SERTM1: variants seen among roughly 807,000 people sequenced by gnomAD.
SERTM1 encodes serine rich and transmembrane domain containing 1.
SERTM1 carries 1 observed loss-of-function variant against 5.5 expected under a neutral mutation model. That is an observed-to-expected ratio of 0.18 (90% confidence interval 0.06 to 0.86). SERTM1 has a LOEUF of 0.86. Among genes scored for constraint, SERTM1 ranks in the 40% least tolerant of loss-of-function variants. The pLI is 0.69. For synonymous variants in SERTM1, 52 were observed against 55.1 expected, an observed-to-expected ratio of 0.94 and a Z score of 0.25; for missense variants, 91 against 122.4, an observed-to-expected ratio of 0.74 and a Z score of 1.21.
intron 1 of SERTM1, among the ~76,000 whole-genome samples, chr13:36,684,050 C>G (rs1245336531): frequency 1.3e-5 from 2 of 152,180 alleles, no homozygotes; most frequent in Non-Finnish European, 2.9e-5. Flanking sequence ...GTAATCCCAG[C>G]ACTTTGGGAG....
intron 1 of SERTM1, 129 bp from the exon 2 acceptor site, chr13:36,694,777 T>C (rs1197738518): frequency 2.6e-6 from 1 of 380,306 alleles, no homozygotes; most frequent in East Asian, 4.7e-5. Flanking sequence ...GACTGATTCC[T>C]AGGGGAGTTA....
chr13:36,688,857 C>T (rs1389425654), intron 1 of SERTM1, among the ~76,000 whole-genome samples: 1 of 152,170 alleles, frequency 6.6e-6, no homozygotes, highest in Non-Finnish European at 1.5e-5. Context: ...TTCTCCTGCT[C>T]TCTAAAAGTG....
Position 36,696,725 on chromosome 13 carries a change from G to C in SERTM1, c.*1323G>C, listed in dbSNP as rs1397478223. 6.0e-6 allele frequency: 1 copy of C among 166,994 alleles called. No homozygotes were observed. The highest frequency in any genetic ancestry group is 2.4e-5 in the African/African-American group (1 of 41,444). 10.3% of individuals were successfully genotyped at this position (166,994 alleles called of 1,614,324 possible). ...ACAATCAAACTGCAGCTCCTTAAGA[G>C]TAAGAATTTTAATTTAATTTTGAAA... On this transcript the variant is annotated 3_prime_UTR_variant, in exon 2 of 2. Transcript: ENST00000315190.
rs2056811373 is a variant in SERTM1 at position 36,696,032 on chromosome 13, C to A, written c.*630C>A. 1 of 167,068 alleles carries A rather than the reference C, an allele frequency of 6.0e-6. No individual in the cohort carries two copies. The highest frequency in any genetic ancestry group is 2.1e-4 in the South Asian group (1 of 4,828). 10.3% of individuals were successfully genotyped at this position (167,068 alleles called of 1,614,324 possible). ...AAGAGTTTACATTTTAATAGCAAGA[C>A]AAACATGTATTATGATGGAGCTTGT... On this transcript the variant is annotated 3_prime_UTR_variant, in exon 2 of 2. Transcript: ENST00000315190.
rs58941896 is a variant in SERTM1 at position 36,697,291 on chromosome 13, GCACA to G, written c.*1904_*1907del. On this transcript the variant is annotated 3_prime_UTR_variant, in exon 2 of 2. Coordinates refer to ENST00000315190, the MANE Select transcript of SERTM1 (RefSeq NM_203451.3). The stretch of plus-strand genomic sequence containing the variant: ...TATATGTATATATACATATATATAC[GCACA>G]CACACACACACACATAAATATATAT... The G allele has an allele frequency of 0.011, 1,662 of 155,122 alleles. 39 individuals are homozygous for G. The highest frequency in any genetic ancestry group is 0.04 in the African/African-American group (1,529 of 38,054). 9.6% of individuals were successfully genotyped at this position (155,122 alleles called of 1,614,324 possible).
chr13:36,691,129 C>T (rs1349924086), intron 1 of SERTM1, among the ~76,000 whole-genome samples: 1 of 152,296 alleles, frequency 6.6e-6, no homozygotes, highest in Non-Finnish European at 1.5e-5. Flanking sequence ...AAGGATGTGG[C>T]GCAGGCTGGG....
intron 1 of SERTM1, among the ~76,000 whole-genome samples, chr13:36,687,011 C>T (rs1239174420): frequency 6.6e-6 from 1 of 152,156 alleles, no homozygotes; most frequent in Non-Finnish European, 1.5e-5. Flanking sequence ...CATTATCATA[C>T]TTTGACTGTC....
chr13:36,695,272 G>T lies in SERTM1; in HGVS notation c.194G>T (p.Arg65Met). ...LLLLLIIALQ[R>M]LKNIISSSSS... Reference sequence around the variant, plus strand: ...CTGCTTTTAATCATTGCCCTCCAGAGGCTCAAAAATATCATCTCCTCCAGT... The same window carrying T: ...CTGCTTTTAATCATTGCCCTCCAGATGCTCAAAAATATCATCTCCTCCAGT... Residue 65 changes from arginine to methionine, a missense_variant, in exon 2 of 2, where the codon AGG becomes ATG. Arg to Met is a moderately conservative substitution (Grantham distance 91). Transcript: ENST00000315190. 1 of 1,614,096 alleles carries T rather than the reference G, an allele frequency of 6.2e-7. No homozygotes were observed. The highest frequency in any genetic ancestry group is 8.5e-7 in the Non-Finnish European group (1 of 1,180,024).
intron 1 of SERTM1, among the ~76,000 whole-genome samples, chr13:36,692,563 A>G (rs1020829714): frequency 1.3e-5 from 2 of 152,240 alleles, no homozygotes; most frequent in Non-Finnish European, 2.9e-5. Flanking sequence ...TAGACTTTCT[A>G]GAAGGAACTT....
chr13:36,682,877 T>C (rs1031728114), intron 1 of SERTM1, among the ~76,000 whole-genome samples: 3 of 152,062 alleles, frequency 2.0e-5, no homozygotes, highest in Non-Finnish European at 2.9e-5. Flanking sequence ...AATACTATAG[T>C]TTTTCTTTTT....
intron 1 of SERTM1, among the ~76,000 whole-genome samples, chr13:36,680,052 T>C (rs1177303514): frequency 1.3e-5 from 2 of 152,206 alleles, no homozygotes; most frequent in East Asian, 1.9e-4. Context: ...AGATATCTCA[T>C]GTATATTCAA....
At position 36,696,978 on chromosome 13, in the gene SERTM1, A is replaced by G. The variant is rs1464080220; in HGVS notation, c.*1576A>G. 3 of 167,068 alleles carry G rather than the reference A, an allele frequency of 1.8e-5. No individual in the cohort carries two copies. Among genetic ancestry groups the G allele is most frequent in the African/African-American group, 4.8e-5 (2 of 41,448 alleles). 10.3% of individuals were successfully genotyped at this position (167,068 alleles called of 1,614,324 possible). A position where few individuals can be genotyped will look rare whatever the true frequency, so the allele number is the denominator to read the frequency against. ...TATTTGTACAGGGTTTATCTTTATC[A>G]TACTAAAATGCTGAGTGAGTGGAGG... On this transcript the variant is annotated 3_prime_UTR_variant, in exon 2 of 2. Coordinates refer to ENST00000315190, the MANE Select transcript of SERTM1 (RefSeq NM_203451.3).
At chr13:36,674,579 C>A (rs2056658266) in intron 1 of SERTM1, among the ~76,000 whole-genome samples, 1 of 152,154 alleles carries the variant, frequency 6.6e-6, no homozygotes, top group South Asian at 2.1e-4. Context: ...GTAGACAGTT[C>A]TACACTTTGC....
In SERTM1 at chr13:36,695,716, C is replaced by T. The variant is rs553873237; in HGVS notation, c.*314C>T. On this transcript the variant is annotated 3_prime_UTR_variant, in exon 2 of 2. Transcript: ENST00000315190. Reference sequence around the variant, plus strand: ...GCCGTAGGCTCATCTGAGGTGGCCTCTCCGTGGATGCTGGACATGGACTCG... The same window carrying T: ...GCCGTAGGCTCATCTGAGGTGGCCTTTCCGTGGATGCTGGACATGGACTCG... 6.4e-6 allele frequency: 2 copies of T among 313,200 alleles called. No individual in the cohort carries two copies. Among genetic ancestry groups the T allele is most frequent in the East Asian group, 6.5e-5 (1 of 15,490 alleles). 19.4% of individuals were successfully genotyped at this position (313,200 alleles called of 1,614,324 possible).
chr13:36,691,146 C>T (rs1302520485), intron 1 of SERTM1, among the ~76,000 whole-genome samples: 1 of 152,202 alleles, frequency 6.6e-6, no homozygotes, highest in African/African-American at 2.4e-5. Flanking sequence ...TGGGCCCATG[C>T]GCTGACTGCC....
rs57478418 is a variant in SERTM1 at position 36,697,312 on chromosome 13, A to AATATAT, written c.*1930_*1935dup. 6.7e-3 allele frequency: 989 copies of AATATAT among 146,888 alleles called. 8 individuals carry two copies. The highest frequency in any genetic ancestry group is 0.014 in the African/African-American group (499 of 36,206). The allele number at this position is 146,888 out of a possible 1,614,324, so 9.1% of individuals were successfully genotyped here. ...ATACGCACACACACACACACACATAAATATATATATATATATATATATATA... is the reference window on the plus strand; with the variant it reads ...ATACGCACACACACACACACACATAAATATATATATATATATATATATATATATATA... On this transcript the variant is annotated 3_prime_UTR_variant, in exon 2 of 2. Transcript: ENST00000315190.
chr13:36,676,107 G>T (rs1249799925), intron 1 of SERTM1, among the ~76,000 whole-genome samples: 2 of 152,234 alleles, frequency 1.3e-5, no homozygotes, highest in East Asian at 3.9e-4. Flanking sequence ...CTGTGTGATT[G>T]CATGTGGCAT....
intron 1 of SERTM1, among the ~76,000 whole-genome samples, chr13:36,684,443 T>A (rs1288058478): frequency 1.3e-5 from 2 of 152,196 alleles, no homozygotes; most frequent in African/African-American, 4.8e-5. Flanking sequence ...TGCTTTTATT[T>A]GATAAATACT....
At chr13:36,678,898 T>C (rs190244446) in intron 1 of SERTM1, among the ~76,000 whole-genome samples, 15 of 152,112 alleles carry the variant, frequency 9.9e-5, no homozygotes, top group Admixed American at 5.2e-4. Context: ...TTTACACTGT[T>C]ATCCTATAAT....
Sources: gnomAD v4.1 joint callset for allele counts (sites outside exome capture counted in the v4.1 genomes callset) on GRCh38, gnomAD v4.1.1 for gene constraint, MANE v1.5 for transcripts, NCBI Gene and HGNC (gene_info 2026-07-23, HGNC 2026-07-21) for gene names.